CIROZ: variants seen among roughly 807,000 people sequenced by gnomAD.
The protein encoded by CIROZ is ciliated left-right organizer ZP-N domains-containing protein.
chr1:10,948,359 C>T, the CIROZ span: 9 of 1,613,466 alleles, frequency 5.6e-6, no homozygotes, highest in Admixed American at 5.0e-5. Context: ...GCCAGGGCCT[C>T]GCCAATGGCT....
At chr1:10,949,644 G>T in the CIROZ span, 114 of 1,605,570 alleles carry the variant, frequency 7.1e-5, no homozygotes, top group Non-Finnish European at 9.4e-5. Flanking sequence ...GCGTCGGAAG[G>T]CCGGTGCAGG....
At chr1:10,964,855 TC>T in the CIROZ span, among the ~76,000 whole-genome samples, 1 of 152,214 alleles carries the variant, frequency 6.6e-6, no homozygotes, top group African/African-American at 2.4e-5. Flanking sequence ...GGTGTTGAAC[TC>T]CTGGCCTCAA....
chr1:10,977,714 G>T, the CIROZ span, among the ~76,000 whole-genome samples: 998 of 152,182 alleles, frequency 6.6e-3, 13 homozygotes, highest in African/African-American at 0.022. Context: ...GGCAGGAATT[G>T]GTTGCATTGC....
the CIROZ span, chr1:10,981,932 G>A: frequency 6.7e-7 from 1 of 1,492,816 alleles, no homozygotes; most frequent in African/African-American, 1.4e-5. Flanking sequence ...TCTGATGGAA[G>A]ATATTTGGCT....
At chr1:10,973,551 C>G in the CIROZ span, among the ~76,000 whole-genome samples, 4 of 152,076 alleles carry the variant, frequency 2.6e-5, no homozygotes, top group Non-Finnish European at 4.4e-5. Flanking sequence ...AAGCTGGCCC[C>G]GTCTGTACAA....
the CIROZ span, chr1:10,955,284 G>A: frequency 8.7e-7 from 1 of 1,152,256 alleles, no homozygotes; most frequent in Non-Finnish European, 1.2e-6. Context: ...CCACACCTGT[G>A]GCCGGCACAG....
the CIROZ span, chr1:10,957,124 GT>G: frequency 6.5e-7 from 1 of 1,546,236 alleles, no homozygotes; most frequent in Non-Finnish European, 8.7e-7. Flanking sequence ...AGGAAGGGGG[GT>G]CCCCCCTGAG....
chr1:10,963,774 A>T, the CIROZ span, among the ~76,000 whole-genome samples: 2 of 151,940 alleles, frequency 1.3e-5, no homozygotes, highest in East Asian at 1.9e-4. Context: ...AATTTAGCAA[A>T]TTTTTTCAAT....
the CIROZ span, among the ~76,000 whole-genome samples, chr1:10,964,449 T>C: frequency 2.0e-5 from 3 of 152,232 alleles, no homozygotes; most frequent in South Asian, 2.1e-4. Context: ...GGAGCTTGGG[T>C]CTGGCTCTGG....
the CIROZ span, among the ~76,000 whole-genome samples, chr1:10,978,123 C>T: frequency 6.7e-6 from 1 of 148,404 alleles, no homozygotes; most frequent in African/African-American, 2.5e-5. Flanking sequence ...GAGCTGAGAG[C>T]GTGACATTGT....
At chr1:10,948,315 T>C in the CIROZ span, 2 of 1,613,398 alleles carry the variant, frequency 1.2e-6, no homozygotes, top group African/African-American at 1.3e-5. Flanking sequence ...GGGAGAACGG[T>C]GAGAAACCAG....
the CIROZ span, among the ~76,000 whole-genome samples, chr1:10,980,922 A>G: frequency 0.36 from 54,965 of 152,060 alleles, 12,852 homozygotes; most frequent in African/African-American, 0.67. Flanking sequence ...TTGCTCGCCC[A>G]GCCCCACAAA....
At chr1:10,976,366 C>G in the CIROZ span, 3 of 743,962 alleles carry the variant, frequency 4.0e-6, no homozygotes, top group Non-Finnish European at 6.4e-6. Flanking sequence ...GACGGAGTCT[C>G]GCTCCGTCAC....
the CIROZ span, chr1:10,964,260 G>T: frequency 1.2e-6 from 2 of 1,612,048 alleles, no homozygotes; most frequent in Non-Finnish European, 1.7e-6. Context: ...TTTCCAGCCT[G>T]TAATTTGCTT....
the CIROZ span, among the ~76,000 whole-genome samples, chr1:10,967,358 G>C: frequency 0.027 from 4,063 of 151,904 alleles, 170 homozygotes; most frequent in African/African-American, 0.093. Context: ...TGTGCCCTCT[G>C]CCTGGAACTC....
the CIROZ span, among the ~76,000 whole-genome samples, chr1:10,961,103 G>A: frequency 6.6e-6 from 1 of 152,246 alleles, no homozygotes; most frequent in Non-Finnish European, 1.5e-5. Context: ...AGACCAAGCG[G>A]CGCCCGAGTG....
the CIROZ span, among the ~76,000 whole-genome samples, chr1:10,972,270 T>A: frequency 2.0e-5 from 3 of 152,182 alleles, no homozygotes; most frequent in Non-Finnish European, 4.4e-5. Flanking sequence ...CTGGGCACAG[T>A]GGTGCACATC....
At chr1:10,977,250 G>A in the CIROZ span, among the ~76,000 whole-genome samples, 532 of 152,200 alleles carry the variant, frequency 3.5e-3, no homozygotes, top group African/African-American at 0.012. Flanking sequence ...TTGGGAGGCC[G>A]AGGCGGGCAG....
the CIROZ span, among the ~76,000 whole-genome samples, chr1:10,956,638 G>A: frequency 3.9e-5 from 6 of 151,952 alleles, no homozygotes; most frequent in Non-Finnish European, 8.8e-5. Context: ...ACCACGCCCG[G>A]CTAATTTTTT....
Sources: allele counts gnomAD v4.1 joint callset (sites outside exome capture counted in the v4.1 genomes callset), GRCh38; gene constraint gnomAD v4.1.1; transcripts MANE v1.5; gene names NCBI Gene and HGNC (gene_info 2026-07-23, HGNC 2026-07-21).